The following DNAH3 variants were observed in gnomAD, a reference collection of about 807,000 sequenced individuals.
The protein encoded by DNAH3 is dynein axonemal heavy chain 3, also known as axonemal beta dynein heavy chain 3.
In DNAH3, 332 loss-of-function variants were observed where a neutral mutation model predicts 432.5. The observed-to-expected ratio is 0.77, with a 90% CI of 0.70 to 0.84. The LOEUF (loss-of-function observed/expected upper bound fraction) is 0.84. Among genes scored for constraint, DNAH3 ranks in the 40% least tolerant of loss-of-function variants. DNAH3 has a pLI of 0.00. For synonymous variants in DNAH3, 1,956 were observed against 1,900.2 expected (o/e 1.03, Z -0.76); for missense variants, 4,861 against 5,114.0 (o/e 0.95, Z 1.51).
rs551032885 is a variant in DNAH3, at chr16:20,947,611, G to A, written c.11343+872C>T. Reference sequence around the variant, plus strand: ...AATTGAATTAGAGGACACCCAGTTGGTGTCCACTGCTTAATGTGTGGGGAA... The same window carrying A: ...AATTGAATTAGAGGACACCCAGTTGATGTCCACTGCTTAATGTGTGGGGAA... On this transcript the variant is annotated intron_variant, in intron 57 of 61. Transcript: ENST00000261383. Among the ~76,000 whole-genome samples, 5 of 152,236 alleles carry A rather than the reference G, an allele frequency of 3.3e-5. No individual in the cohort carries two copies. In the East Asian group the frequency reaches 9.7e-4, roughly 29 times the overall value.
intron 29 of DNAH3, among the ~76,000 whole-genome samples, chr16:21,050,661 C>A (rs1227094719): frequency 6.6e-6 from 1 of 152,118 alleles, no homozygotes; most frequent in African/African-American, 2.4e-5. Flanking sequence ...GCGGGTTGGT[C>A]TCAAACTTCT....
intron 39 of DNAH3, 101 bp downstream of exon 39, chr16:21,024,495 T>C: frequency 1.3e-6 from 1 of 779,612 alleles, no homozygotes; most frequent in Non-Finnish European, 2.0e-6. Context: ...CTGCCCCTTG[T>C]TGCCTCCAGG....
chr16:20,985,084 A>G, exon 48 of DNAH3: 1 of 1,611,692 alleles, frequency 6.2e-7, no homozygotes, highest in Non-Finnish European at 8.5e-7. Flanking sequence ...CACCCTCTCA[A>G]TAAAGAAGTT....
At chr16:21,122,556 AAAATAAAAAAC>A (rs1473353418) in intron 9 of DNAH3, among the ~76,000 whole-genome samples, 2 of 152,158 alleles carry the variant, frequency 1.3e-5, no homozygotes, top group Non-Finnish European at 2.9e-5. Context: ...CCATCTCAAA[AAAATAAAAAAC>A]AAATAAAATA....
At chr16:20,958,266 G>A (rs545737669) in intron 54 of DNAH3, among the ~76,000 whole-genome samples, 5 of 151,970 alleles carry the variant, frequency 3.3e-5, no homozygotes, top group Admixed American at 3.3e-4. Context: ...TAGAGATGGG[G>A]TTTTGCCATG....
At chr16:21,142,543 C>T (rs1008930414) in intron 3 of DNAH3, among the ~76,000 whole-genome samples, 5 of 151,812 alleles carry the variant, frequency 3.3e-5, no homozygotes, top group African/African-American at 1.2e-4. Context: ...ACAATTAATT[C>T]AATAAGTGAT....
intron 23 of DNAH3, among the ~76,000 whole-genome samples, chr16:21,067,757 T>TGGGGGGGG (rs35833656): frequency 6.7e-5 from 2 of 29,802 alleles, no homozygotes; most frequent in Non-Finnish European, 5.7e-5. Flanking sequence ...AAGCCAGTCT[T>TGGGGGGGG]GGGGGGGGGG....
At chr16:20,986,334 G>C (rs906985795) in intron 47 of DNAH3, among the ~76,000 whole-genome samples, 8 of 151,718 alleles carry the variant, frequency 5.3e-5, no homozygotes, top group Admixed American at 5.3e-4. Flanking sequence ...GTGAGACTCA[G>C]TCTCTACAAT....
intron 38 of DNAH3, among the ~76,000 whole-genome samples, chr16:21,026,722 A>G (rs1432453947): frequency 2.0e-5 from 3 of 150,682 alleles, no homozygotes; most frequent in South Asian, 2.1e-4. Context: ...AAAAAAAAAA[A>G]AGAAGGAAAT....
chr16:21,150,907 G>A (rs1250388305), intron 1 of DNAH3, 61 bp from the exon 1 acceptor site: 1 of 152,486 alleles, frequency 6.6e-6, no homozygotes, highest in African/African-American at 2.4e-5. Flanking sequence ...CTACATACAA[G>A]ACTGGGCATG....
chr16:21,033,343 G>GA (rs2088990465), intron 36 of DNAH3, among the ~76,000 whole-genome samples: 2 of 152,144 alleles, frequency 1.3e-5, no homozygotes, highest in East Asian at 3.9e-4. Context: ...ACACACACAC[G>GA]AAAAAACCCA....
In DNAH3 at chr16:21,159,177, C is replaced by G. The variant is rs181745808; in HGVS notation, c.117+148G>C. On this transcript the variant is annotated intron_variant, in intron 1 of 61. Coordinates refer to ENST00000261383, the Ensembl canonical transcript of DNAH3. The stretch of plus-strand genomic sequence containing the variant: ...TCACCACCCAGCCCCTCTTCTCCAC[C>G]GAGGTCCCCTTCCCCATCGCTGCAG... 204 of 830,958 alleles carry G rather than the reference C, an allele frequency of 2.5e-4. No individual in the cohort carries two copies. The African/African-American group carries it at 3.2e-3, about 13-fold the overall frequency. 51.5% of individuals were successfully genotyped at this position (830,958 alleles called of 1,614,324 possible).
chr16:21,065,082 A>G (rs928558592), intron 24 of DNAH3, among the ~76,000 whole-genome samples: 1 of 152,192 alleles, frequency 6.6e-6, no homozygotes, highest in African/African-American at 2.4e-5. Context: ...AGAGTATTAC[A>G]AAGATTAAAT....
At chr16:20,941,298 C>A in intron 59 of DNAH3, 103 bp downstream of exon 59, 2 of 1,455,176 alleles carry the variant, frequency 1.4e-6, no homozygotes, top group South Asian at 1.3e-5. Context: ...ACGGGTGGGG[C>A]AAACCACTTC....
chr16:20,990,883 TG>T (rs1356409881), intron 44 of DNAH3, among the ~76,000 whole-genome samples: 1 of 151,962 alleles, frequency 6.6e-6, no homozygotes, highest in Non-Finnish European at 1.5e-5. Context: ...TAGCCAGGCG[TG>T]GTAGCGGGCA....
intron 16 of DNAH3, chr16:21,103,869 A>G (rs975491948): frequency 6.6e-6 from 1 of 152,562 alleles, no homozygotes; most frequent in African/African-American, 2.4e-5. Flanking sequence ...TTCACTTGAC[A>G]TTATTGGATT....
At chr16:21,067,179 G>A in intron 24 of DNAH3, 104 bp downstream of exon 24, 2 of 1,262,158 alleles carry the variant, frequency 1.6e-6, no homozygotes, top group Non-Finnish European at 2.3e-6. Context: ...CCAGGAAAGA[G>A]TATGGACTAG....
At chr16:21,131,370 G>GAGGAAGGA (rs200848913) in intron 7 of DNAH3, among the ~76,000 whole-genome samples, 141 of 150,022 alleles carry the variant, frequency 9.4e-4, no homozygotes, top group African/African-American at 2.8e-3. Flanking sequence ...CAGGGTCACA[G>GAGGAAGGA]AGGAAGGAAG....
chr16:20,935,393 G>A, exon 61 of DNAH3: 3 of 1,613,604 alleles, frequency 1.9e-6, no homozygotes, highest in Non-Finnish European at 2.5e-6. Context: ...TATATTTCCG[G>A]GCATAATTTT....
Sources: allele counts gnomAD v4.1 joint callset (sites outside exome capture counted in the v4.1 genomes callset), GRCh38; gene constraint gnomAD v4.1.1; transcripts MANE v1.5; gene names NCBI Gene and HGNC (gene_info 2026-07-23, HGNC 2026-07-21).